Variants in RPRD1A observed in about 807,000 individuals in gnomAD.
RPRD1A encodes the protein regulation of nuclear pre-mRNA domain containing 1A, also known as regulation of nuclear pre-mRNA domain-containing protein 1A.
RPRD1A carries 9 observed loss-of-function variants against 37.8 expected under a neutral mutation model. That is an observed-to-expected ratio of 0.24 (90% CI 0.14 to 0.42). The LOEUF (loss-of-function observed/expected upper bound fraction) is 0.42. RPRD1A is among the 10% of genes least tolerant of loss of function. The pLI is 1.00. For missense variants in RPRD1A, 255 were observed against 371.0 expected, an observed-to-expected ratio of 0.69 and a Z score of 2.57; for synonymous variants, 138 against 139.7, an observed-to-expected ratio of 0.99 and a Z score of 0.08.
chr18:36,019,782 G>C (rs1297702954), intron 6 of RPRD1A, among the ~76,000 whole-genome samples: 1 of 152,198 alleles, frequency 6.6e-6, no homozygotes, highest in Non-Finnish European at 1.5e-5. Flanking sequence ...GCTCACGCCT[G>C]TAATCTCAGC....
rs766557477 is a variant in RPRD1A at position 36,046,201 on chromosome 18, G to A, written c.152-12364C>T. Among the ~76,000 whole-genome samples, 36 of 152,022 alleles carry A rather than the reference G, an allele frequency of 2.4e-4. 1 individual carries two copies. Among genetic ancestry groups the A allele is most frequent in the African/African-American group, 4.8e-5 (2 of 41,380 alleles). ...CCACACCCATACCAGCAAAGAAAAC[G>A]GTAAGCCTAGACTTCCACCCTCACA... is the stretch of plus-strand genomic sequence containing the variant. On this transcript the variant is annotated intron_variant, in intron 1 of 6. Coordinates refer to ENST00000399022, the MANE Select transcript of RPRD1A (RefSeq NM_018170.5).
At chr18:36,010,546 A>G (rs1311186633) in intron 6 of RPRD1A, among the ~76,000 whole-genome samples, 1 of 152,152 alleles carries the variant, frequency 6.6e-6, no homozygotes, top group Non-Finnish European at 1.5e-5. Flanking sequence ...ACACCTTAAA[A>G]TAGAAGTTAA....
chr18:36,055,533 C>G (rs1428157642), intron 1 of RPRD1A, among the ~76,000 whole-genome samples: 2 of 152,164 alleles, frequency 1.3e-5, no homozygotes, highest in African/African-American at 2.4e-5. Flanking sequence ...GAAGTGACAT[C>G]TGAAAATCAC....
At chr18:35,995,261 G>GTTT (rs1232555714) in intron 6 of RPRD1A, among the ~76,000 whole-genome samples, 19 of 109,202 alleles carry the variant, frequency 1.7e-4, no homozygotes, top group Admixed American at 4.0e-4. Context: ...GCTTTTTTTC[G>GTTT]TTTTTTTTTT....
chr18:36,057,480 G>C (rs954797185), intron 1 of RPRD1A, among the ~76,000 whole-genome samples: 4 of 152,136 alleles, frequency 2.6e-5, no homozygotes, highest in African/African-American at 9.7e-5. Flanking sequence ...AGGCATGGTG[G>C]TGTGCACCTA....
In RPRD1A at chr18:36,049,431, C is replaced by A. The variant is rs1195168226; in HGVS notation, c.152-15594G>T. On this transcript the variant is annotated intron_variant, in intron 1 of 6. Transcript: ENST00000399022. ...CAAAAACCTGCATATAATTTTTGAC[C>A]CCCCCCACCAAAAAACTTAGGGAGT... Among the ~76,000 whole-genome samples, 4 of 144,816 alleles carry A rather than the reference C, an allele frequency of 2.8e-5. No individual in the cohort carries two copies. The South Asian group carries it at 6.7e-4, about 24-fold the overall frequency.
At chr18:36,041,360 T>TC (rs937653319) in intron 1 of RPRD1A, among the ~76,000 whole-genome samples, 4 of 152,140 alleles carry the variant, frequency 2.6e-5, no homozygotes, top group African/African-American at 9.7e-5. Flanking sequence ...CATGCTATCT[T>TC]AAGTCCTATT....
intron 6 of RPRD1A, among the ~76,000 whole-genome samples, chr18:35,997,522 T>C (rs1241044437): frequency 1.3e-5 from 2 of 152,200 alleles, no homozygotes; most frequent in Non-Finnish European, 2.9e-5. Context: ...CATAAGCAAT[T>C]TCTTTATATT....
At chr18:36,006,129 T>C (rs1909736177) in intron 6 of RPRD1A, among the ~76,000 whole-genome samples, 1 of 152,190 alleles carries the variant, frequency 6.6e-6, no homozygotes, top group Non-Finnish European at 1.5e-5. Flanking sequence ...GCTAAATAAG[T>C]ATTATGTTAT....
chr18:36,065,538 T>G (rs753129980), intron 1 of RPRD1A, among the ~76,000 whole-genome samples: 8 of 152,232 alleles, frequency 5.3e-5, no homozygotes, highest in Non-Finnish European at 1.2e-4. Flanking sequence ...ATTTTGTTAT[T>G]ATGAAGCTGC....
At chr18:36,046,220 C>T (rs1178043949) in intron 1 of RPRD1A, among the ~76,000 whole-genome samples, 1 of 152,116 alleles carries the variant, frequency 6.6e-6, no homozygotes, top group Non-Finnish European at 1.5e-5. Flanking sequence ...AGACTTCCAC[C>T]CTCACAGTAC....
intron 6 of RPRD1A, among the ~76,000 whole-genome samples, chr18:35,994,816 CTCT>C (rs908953354): frequency 1.3e-5 from 2 of 152,222 alleles, no homozygotes; most frequent in African/African-American, 4.8e-5. Context: ...CCCTTCTCTA[CTCT>C]TCTGCACATC....
intron 6 of RPRD1A, among the ~76,000 whole-genome samples, chr18:36,008,577 G>GTGTATATATATATATA: frequency 4.2e-5 from 2 of 47,802 alleles, no homozygotes; most frequent in African/African-American, 1.4e-4. Context: ...CCTTGTGTGT[G>GTGTATATATATATATA]TATATATATA....
intron 1 of RPRD1A, among the ~76,000 whole-genome samples, chr18:36,062,303 G>A (rs1184025987): frequency 1.7e-5 from 2 of 117,888 alleles, no homozygotes; most frequent in African/African-American, 3.3e-5. Context: ...CGGCCTGGGC[G>A]ACAGAGCGAG....
At chr18:35,999,395 A>T (rs1056763454) in intron 6 of RPRD1A, among the ~76,000 whole-genome samples, 4 of 152,318 alleles carry the variant, frequency 2.6e-5, no homozygotes, top group Admixed American at 2.6e-4. Flanking sequence ...TTTTCAAATT[A>T]GGAAGTGCTA....
intron 6 of RPRD1A, among the ~76,000 whole-genome samples, chr18:35,999,258 T>A (rs560646357): frequency 2.6e-4 from 40 of 152,346 alleles, no homozygotes; most frequent in African/African-American, 9.6e-4. Flanking sequence ...GAGTACTGTT[T>A]CCTCAATCTA....
chr18:36,035,764 A>G (rs1299264551), intron 1 of RPRD1A, among the ~76,000 whole-genome samples: 1 of 152,226 alleles, frequency 6.6e-6, no homozygotes, highest in Non-Finnish European at 1.5e-5. Flanking sequence ...AGCCTTATAG[A>G]AGAAGGAAAT....
At chr18:36,031,997 G>T (rs374458147) in intron 2 of RPRD1A, among the ~76,000 whole-genome samples, 3 of 151,902 alleles carry the variant, frequency 2.0e-5, no homozygotes, top group Admixed American at 1.3e-4. Context: ...TCATTTTTTC[G>T]GCCACATATT....
intron 1 of RPRD1A, among the ~76,000 whole-genome samples, chr18:36,060,388 C>T (rs2088883475): frequency 6.6e-6 from 1 of 151,874 alleles, no homozygotes; most frequent in Admixed American, 6.6e-5. Context: ...GAACCGAGAT[C>T]GCGCCACTGC....
Sources: allele counts gnomAD v4.1 joint callset (sites outside exome capture counted in the v4.1 genomes callset), GRCh38; gene constraint gnomAD v4.1.1; transcripts MANE v1.5; gene names NCBI Gene and HGNC (gene_info 2026-07-23, HGNC 2026-07-21).